The following PLA2R1 variants were observed in gnomAD, a reference collection of about 807,000 sequenced individuals.
PLA2R1 encodes phospholipase A2 receptor 1.
Under a neutral mutation model 195.9 loss-of-function variants are expected in PLA2R1, and 158 were observed. The ratio of observed to expected loss-of-function variants is 0.81; its 90% confidence interval spans 0.71 to 0.92. The LOEUF is 0.92. Ranked by LOEUF, PLA2R1 falls within the 40% of genes least tolerant of loss-of-function variation. The pLI is 0.00. For missense variants in PLA2R1, 1,626 were observed against 1,764.6 expected (o/e 0.92, Z 1.41); for synonymous variants, 586 against 598.2 (o/e 0.98, Z 0.30).
rs1688987449 is a variant in PLA2R1, at chr2:159,969,267, G to A, written c.2753C>T (p.Ser918Phe). ...GTAAGTAAAATAACCTGTTATAGAA[G>A]AAATAAAGCCACATCTCTGGCTCTG... ...NNQSQRCGFI[S>F]SITGLWGSEE... Residue 918 changes from serine (S) to phenylalanine (F), a missense_variant, in exon 19 of 30, where the codon TCT (serine) becomes TTT (phenylalanine). Transcript: ENST00000283243. 4.4e-6 allele frequency: 7 copies of A among 1,584,200 alleles called. No individual in the cohort carries two copies. Among genetic ancestry groups the A allele is most frequent in the Non-Finnish European group, 6.1e-6 (7 of 1,153,890 alleles).
At chr2:159,990,357 A>G (rs1048865058) in intron 11 of PLA2R1, among the ~76,000 whole-genome samples, 2 of 152,056 alleles carry the variant, frequency 1.3e-5, no homozygotes, top group Admixed American at 6.6e-5. Flanking sequence ...GAATGGGGAG[A>G]CTTTCTGTCA....
chr2:159,963,435 C>A (rs1364098528), intron 20 of PLA2R1, among the ~76,000 whole-genome samples: 12 of 152,064 alleles, frequency 7.9e-5, no homozygotes, highest in Admixed American at 7.2e-4. Context: ...AGGACATTAT[C>A]AAGAAAGTTA....
intron 3 of PLA2R1, among the ~76,000 whole-genome samples, 158 bp downstream of exon 3, chr2:160,041,867 G>A (rs879102967): frequency 6.6e-6 from 1 of 152,184 alleles, no homozygotes; most frequent in South Asian, 2.1e-4. Flanking sequence ...TCTTTTCAAG[G>A]CAAAAACAAA....
intron 25 of PLA2R1, among the ~76,000 whole-genome samples, chr2:159,948,605 T>C (rs144983064): frequency 1.6e-3 from 220 of 141,762 alleles, no homozygotes; most frequent in Non-Finnish European, 2.9e-3. Context: ...TGCATTGTTA[T>C]TGAAAGGACA....
intron 4 of PLA2R1, among the ~76,000 whole-genome samples, chr2:160,031,813 C>CTGGA (rs2105521220): frequency 6.6e-6 from 1 of 152,322 alleles, no homozygotes; most frequent in African/African-American, 2.4e-5. Flanking sequence ...GCCACCCAGG[C>CTGGA]TGGAGTGCAA....
intron 1 of PLA2R1, among the ~76,000 whole-genome samples, chr2:160,056,228 T>G (rs1695530943): frequency 6.6e-6 from 1 of 152,118 alleles, no homozygotes; most frequent in African/African-American, 2.4e-5. Context: ...CATGTCATAT[T>G]AGGTAAGGGT....
Position 160,016,675 on chromosome 2 carries a change from AG to A in PLA2R1, c.1489del (p.Leu497PhefsTer54). The stretch of plus-strand genomic sequence containing the variant: ...GCCTGCTTTTTTACAAATGTAAAAA[AG>A]TCTTTCTTCACAATTTTTGACTTTC... ...HWKVKNCEER[L>X]FYICKKAGHV... On this transcript the variant is annotated frameshift_variant, in exon 9 of 30. Coordinates refer to ENST00000283243, the MANE Select transcript of PLA2R1 (RefSeq NM_007366.5). LOFTEE classifies it high-confidence loss of function. 6.2e-7 allele frequency: 1 copy of A among 1,608,488 alleles called. No individual in the cohort carries two copies. Among genetic ancestry groups the A allele is most frequent in the Non-Finnish European group, 8.5e-7 (1 of 1,174,884 alleles).
At chr2:160,039,871 C>T (rs751715672) in intron 3 of PLA2R1, among the ~76,000 whole-genome samples, 9 of 151,754 alleles carry the variant, frequency 5.9e-5, no homozygotes, top group Non-Finnish European at 1.0e-4. Context: ...TGAACCCAGG[C>T]TTCCACTGGG....
chr2:159,984,124 G>T, intron 12 of PLA2R1, 51 bp from the exon 13 acceptor site: 1 of 855,892 alleles, frequency 1.2e-6, no homozygotes, highest in Non-Finnish European at 1.9e-6. Context: ...AAGTCAGGTT[G>T]TTAAACTCTG....
At chr2:159,988,494 G>T (rs1194377581) in intron 11 of PLA2R1, among the ~76,000 whole-genome samples, 1 of 152,162 alleles carries the variant, frequency 6.6e-6, no homozygotes, top group African/African-American at 2.4e-5. Flanking sequence ...CAAAGTTCTG[G>T]AGGAGACATC....
chr2:159,987,008 A>G (rs112546101), intron 12 of PLA2R1, 148 bp downstream of exon 12: 1 of 619,256 alleles, frequency 1.6e-6, no homozygotes, highest in Non-Finnish European at 2.9e-6. Flanking sequence ...GGATAGAGAC[A>G]GGCAACAAAT....
chr2:160,003,233 T>C (rs997463969), intron 11 of PLA2R1, among the ~76,000 whole-genome samples: 2 of 151,914 alleles, frequency 1.3e-5, no homozygotes, highest in East Asian at 1.9e-4. Flanking sequence ...AGCCAAACTA[T>C]AAAAATATAA....
At chr2:160,001,971 T>C (rs1691627240) in intron 11 of PLA2R1, among the ~76,000 whole-genome samples, 1 of 150,994 alleles carries the variant, frequency 6.6e-6, no homozygotes. Context: ...TTGACATAGA[T>C]GAAGCATTTC....
chr2:159,973,346 C>T lies in PLA2R1; in HGVS notation c.2595+2722G>A, dbSNP rs183433586. On this transcript the variant is annotated intron_variant, in intron 17 of 29. Coordinates refer to ENST00000283243, the MANE Select transcript of PLA2R1 (RefSeq NM_007366.5). ...AGCTTTCTTCTTTCTAATTTGATATCCTTTCCCCTTGGACCCCACTACAGA... is the reference window on the plus strand; with the variant it reads ...AGCTTTCTTCTTTCTAATTTGATATTCTTTCCCCTTGGACCCCACTACAGA... Among the ~76,000 whole-genome samples, 186 of 152,046 alleles carry T rather than the reference C, an allele frequency of 1.2e-3. 2 individuals are homozygous for T. In the Middle Eastern group the frequency reaches 0.044, roughly 36 times the overall value.
intron 19 of PLA2R1, among the ~76,000 whole-genome samples, chr2:159,968,448 T>G (rs992324539): frequency 1.3e-5 from 2 of 152,194 alleles, no homozygotes; most frequent in African/African-American, 4.8e-5. Context: ...TTAGCTGCTA[T>G]TCTCCCAGAC....
At chr2:159,969,746 T>G (rs1489017621) in intron 18 of PLA2R1, among the ~76,000 whole-genome samples, 1 of 152,152 alleles carries the variant, frequency 6.6e-6, no homozygotes, top group Non-Finnish European at 1.5e-5. Context: ...TTTCTCCATG[T>G]TGGCCAGGCT....
At chr2:159,954,049 G>T (rs143979985) in intron 23 of PLA2R1, among the ~76,000 whole-genome samples, 2 of 152,280 alleles carry the variant, frequency 1.3e-5, no homozygotes, top group African/African-American at 4.8e-5. Flanking sequence ...GCTCAGGCTG[G>T]TCTTGAACTC....
In PLA2R1 at chr2:159,940,462, T is replaced by C. The variant is rs1449915167; in HGVS notation, c.*1316A>G. 6.6e-6 allele frequency: 1 copy of C among 152,298 alleles called. No individual in the cohort carries two copies. The highest frequency in any genetic ancestry group is 1.5e-5 in the Non-Finnish European group (1 of 68,098). The allele number at this position is 152,298 out of a possible 1,614,324, so 9.4% of individuals were successfully genotyped here. On this transcript the variant is annotated 3_prime_UTR_variant, in exon 30 of 30. Coordinates refer to ENST00000283243, the MANE Select transcript of PLA2R1 (RefSeq NM_007366.5). The stretch of plus-strand genomic sequence containing the variant: ...AGGCAGGAGTGCAGTGGTGCAACCA[T>C]AGCTCACTGCAGCCTTCAACTTCTG...
intron 3 of PLA2R1, among the ~76,000 whole-genome samples, chr2:160,040,904 G>A (rs1331070497): frequency 6.6e-6 from 1 of 152,188 alleles, no homozygotes; most frequent in Non-Finnish European, 1.5e-5. Context: ...CAGATATTAT[G>A]AAAAGTGCCT....
Sources: allele counts gnomAD v4.1 joint callset (sites outside exome capture counted in the v4.1 genomes callset), GRCh38; gene constraint gnomAD v4.1.1; transcripts MANE v1.5; gene names NCBI Gene and HGNC (gene_info 2026-07-23, HGNC 2026-07-21).